Variants in RIN3 observed in about 807,000 individuals in gnomAD.
RIN3 encodes RAB5 interacting protein 3.
A neutral mutation model predicts 76.3 loss-of-function variants in RIN3; 54 were observed. That is an observed-to-expected ratio of 0.71 (90% confidence interval 0.57 to 0.89). The LOEUF (loss-of-function observed/expected upper bound fraction) is 0.89. Among genes scored for constraint, RIN3 ranks in the 40% least tolerant of loss-of-function variants. RIN3 has a pLI of 0.00. For missense variants in RIN3, 1,256 were observed against 1,322.1 expected (o/e 0.95, Z 0.78); for synonymous variants, 576 against 564.0 (o/e 1.02, Z -0.30).
chr14:92,524,827 G>T (rs1357857667), intron 1 of RIN3, among the ~76,000 whole-genome samples: 1 of 152,192 alleles, frequency 6.6e-6, no homozygotes, highest in Non-Finnish European at 1.5e-5. Context: ...TGTCTCCAAG[G>T]CTTGTGCAGC....
intron 1 of RIN3, among the ~76,000 whole-genome samples, chr14:92,528,181 A>G (rs1896794276): frequency 6.6e-6 from 1 of 152,178 alleles, no homozygotes; most frequent in African/African-American, 2.4e-5. Context: ...GGCTGAGTGA[A>G]TGGAGCCTGG....
At chr14:92,570,621 C>A (rs1595424121) in intron 2 of RIN3, among the ~76,000 whole-genome samples, 1 of 148,800 alleles carries the variant, frequency 6.7e-6, no homozygotes, top group Non-Finnish European at 1.5e-5. Flanking sequence ...GAGATCACGC[C>A]ATTGCACTCC....
chr14:92,602,229 G>C (rs1218941293), intron 3 of RIN3, among the ~76,000 whole-genome samples: 1 of 152,246 alleles, frequency 6.6e-6, no homozygotes, highest in Non-Finnish European at 1.5e-5. Flanking sequence ...CAGCTGTAAA[G>C]TCAGCTGTGT....
At chr14:92,638,983 A>G (rs1886879571) in intron 4 of RIN3, among the ~76,000 whole-genome samples, 1 of 152,252 alleles carries the variant, frequency 6.6e-6, no homozygotes, top group African/African-American at 2.4e-5. Context: ...ACAGAAGCCA[A>G]CATCGCTGAG....
chr14:92,531,740 T>C (rs1365678364), intron 1 of RIN3, among the ~76,000 whole-genome samples: 1 of 152,178 alleles, frequency 6.6e-6, no homozygotes, highest in Non-Finnish European at 1.5e-5. Context: ...ATCCTTGGCC[T>C]GCACCCTCAC....
rs61124300 is a variant in RIN3, at chr14:92,518,789, CTGTGTGTGTGTGTG to C, written c.44+4837_44+4850del. 4.5e-3 allele frequency among the ~76,000 whole-genome samples: 573 copies of C among 128,414 alleles called. 4 individuals are homozygous for C. The highest frequency in any genetic ancestry group is 6.7e-3 in the Non-Finnish European group (410 of 61,358). 84.2% of individuals were successfully genotyped at this position (128,414 alleles called of 152,430 possible). On this transcript the variant is annotated intron_variant, in intron 1 of 9. Transcript: ENST00000216487. The stretch of plus-strand genomic sequence containing the variant: ...GAGAAACTGGGAAAATAAGGGTGGC[CTGTGTGTGTGTGTG>C]TGTGTGTGTGTGTGTGTGTGTGTCA...
At chr14:92,619,508 C>A (rs959802616) in intron 4 of RIN3, among the ~76,000 whole-genome samples, 2 of 140,502 alleles carry the variant, frequency 1.4e-5, no homozygotes, top group African/African-American at 5.4e-5. Context: ...GGCGCAATCT[C>A]AGCTCACTGC....
In RIN3 at chr14:92,688,070, C is replaced by G. The variant is rs1451490788; in HGVS notation, c.2776C>G (p.Leu926Val). ...GCCGCAGGCGCACCGGCTGTTCGTGCTGGTGGACGGGCGCTGCTTCCAGCT... is the reference window on the plus strand; with the variant it reads ...GCCGCAGGCGCACCGGCTGTTCGTGGTGGTGGACGGGCGCTGCTTCCAGCT... ...ERPQAHRLFV[L>V]VDGRCFQLAD... is the part of the protein sequence containing the mutation. Residue 926 changes from leucine (L) to valine (V), a missense_variant, in exon 10 of 10, where the codon CTG (leucine) becomes GTG (valine). Leu to Val is a conservative substitution (Grantham distance 32, BLOSUM62 1). Around this residue, in one of 3 missense-constraint regions of RIN3, gnomAD observed 218 missense variants for 174.5 expected, o/e 1.25. Coordinates refer to ENST00000216487, the MANE Select transcript of RIN3 (RefSeq NM_024832.5). 6.2e-7 allele frequency: 1 copy of G among 1,605,368 alleles called. No homozygotes were observed. The highest frequency in any genetic ancestry group is 1.7e-5 in the Admixed American group (1 of 59,478).
At chr14:92,577,173 G>A (rs1898268030) in intron 2 of RIN3, 187 bp from the exon 3 acceptor site, 6 of 530,086 alleles carry the variant, frequency 1.1e-5, no homozygotes, top group South Asian at 1.0e-4. Flanking sequence ...GATCCTCAAT[G>A]TGGATGTGGG....
Position 92,688,261 on chromosome 14 carries a change from C to A in RIN3, c.*9C>A, listed in dbSNP as rs369704306. Reference sequence around the variant, plus strand: ...AGCCCAACTTCCTGTGAGGCCCTCCCGGGGCGCCTCCCCTCACCCCCAGGC... The same window carrying A: ...AGCCCAACTTCCTGTGAGGCCCTCCAGGGGCGCCTCCCCTCACCCCCAGGC... On this transcript the variant is annotated 3_prime_UTR_variant, in exon 10 of 10. Coordinates refer to ENST00000216487, the MANE Select transcript of RIN3 (RefSeq NM_024832.5). The A allele has an allele frequency of 1.3e-6, 2 of 1,560,390 alleles. No individual in the cohort carries two copies. Among genetic ancestry groups the A allele is most frequent in the South Asian group, 1.2e-5 (1 of 86,818 alleles).
intron 4 of RIN3, among the ~76,000 whole-genome samples, chr14:92,619,826 G>A (rs1398761518): frequency 6.6e-6 from 1 of 152,120 alleles, no homozygotes; most frequent in Non-Finnish European, 1.5e-5. Flanking sequence ...AGCTAGAAGC[G>A]TGGCCAACTC....
intron 3 of RIN3, among the ~76,000 whole-genome samples, chr14:92,578,410 G>T (rs528861619): frequency 2.6e-4 from 40 of 151,808 alleles, no homozygotes; most frequent in African/African-American, 8.8e-4. Context: ...GGACTGCTGG[G>T]CACCCATCTG....
intron 4 of RIN3, among the ~76,000 whole-genome samples, chr14:92,630,299 C>G (rs761559154): frequency 3.9e-5 from 6 of 152,092 alleles, no homozygotes; most frequent in Non-Finnish European, 8.8e-5. Flanking sequence ...TCAAGACCAG[C>G]CTGGGCAACT....
At chr14:92,573,697 C>T (rs1338622392) in intron 2 of RIN3, among the ~76,000 whole-genome samples, 1 of 152,224 alleles carries the variant, frequency 6.6e-6, no homozygotes, top group African/African-American at 2.4e-5. Context: ...GGATTGGGTA[C>T]AAAGACTGGC....
At chr14:92,516,761 GC>G (rs1382070710) in intron 1 of RIN3, among the ~76,000 whole-genome samples, 3 of 152,106 alleles carry the variant, frequency 2.0e-5, no homozygotes, top group Non-Finnish European at 4.4e-5. Flanking sequence ...CCCCCTTGGT[GC>G]CCCTCTATCC....
chr14:92,600,953 C>T (rs772917889), intron 3 of RIN3, among the ~76,000 whole-genome samples: 1 of 152,208 alleles, frequency 6.6e-6, no homozygotes, highest in African/African-American at 2.4e-5. Flanking sequence ...TGGTTGAGAA[C>T]CACGGCTCTA....
chr14:92,614,751 T>C (rs1210033094), intron 3 of RIN3, among the ~76,000 whole-genome samples: 2 of 151,292 alleles, frequency 1.3e-5, no homozygotes, highest in Non-Finnish European at 1.5e-5. Context: ...TCCACCGTAA[T>C]TATGAGGCCT....
At chr14:92,559,245 T>C (rs2140038895) in intron 2 of RIN3, among the ~76,000 whole-genome samples, 1 of 152,238 alleles carries the variant, frequency 6.6e-6, no homozygotes, top group Non-Finnish European at 1.5e-5. Context: ...AGATGGCTAG[T>C]GGAAGGAGGG....
rs1898279522 is a variant in RIN3 at position 92,577,438 on chromosome 14, G to A, written c.328G>A (p.Ala110Thr). ...CTTTCCTTCTCTGAACGAAAGCTCG[G>A]CCGAGGTGCTCGAATACACCATTAA... ...VHFPSLNESS[A>T]EVLEYTIKEE... The change falls in exon 3 of 10, where the codon GCC becomes ACC. Residue 110 changes from alanine to threonine, a missense_variant. This residue lies in a region of RIN3 where 610 missense variants were observed against 626.4 expected (regional missense o/e 0.97). Coordinates refer to ENST00000216487, the MANE Select transcript of RIN3 (RefSeq NM_024832.5). 1 of 1,613,708 alleles carries A rather than the reference G, an allele frequency of 6.2e-7. No homozygotes were observed. The highest frequency in any genetic ancestry group is 1.3e-5 in the African/African-American group (1 of 75,032).
Sources: gnomAD v4.1 joint callset for allele counts (sites outside exome capture counted in the v4.1 genomes callset) on GRCh38, gnomAD v4.1.1 for gene constraint, gnomAD v4.1.1 regional missense constraint, MANE v1.5 for transcripts, NCBI Gene and HGNC (gene_info 2026-07-23, HGNC 2026-07-21) for gene names.